The following DPYSL5 variants were observed in gnomAD, a reference collection of about 807,000 sequenced individuals.
The protein encoded by DPYSL5 is dihydropyrimidinase like 5, also known as dihydropyrimidinase-related protein 5.
DPYSL5 carries 9 observed loss-of-function variants against 58.4 expected under a neutral mutation model. The observed-to-expected ratio is 0.15, with a 90% CI of 0.09 to 0.27. The LOEUF (loss-of-function observed/expected upper bound fraction) is 0.27, where lower values mean the gene tolerates loss of function less well. Ranked by LOEUF, DPYSL5 falls within the 10% of genes least tolerant of loss-of-function variation. DPYSL5 has a pLI of 1.00. For synonymous variants in DPYSL5, 293 were observed against 301.9 expected, an observed-to-expected ratio of 0.97 and a Z score of 0.31; for missense variants, 499 against 770.6, an observed-to-expected ratio of 0.65 and a Z score of 4.17.
intron 2 of DPYSL5, among the ~76,000 whole-genome samples, chr2:26,906,236 T>G (rs1664285164): frequency 2.0e-5 from 3 of 150,518 alleles, no homozygotes; most frequent in African/African-American, 7.3e-5. Context: ...CAGGCTGGAC[T>G]GCAGTGGCAC....
At chr2:26,873,116 G>GT (rs1272820193) in intron 1 of DPYSL5, among the ~76,000 whole-genome samples, 3 of 151,854 alleles carry the variant, frequency 2.0e-5, no homozygotes, top group South Asian at 2.1e-4. Flanking sequence ...TATATTATAT[G>GT]TTTTTTTACT....
At chr2:26,868,196 GTTGT>G (rs1468910651) in intron 1 of DPYSL5, among the ~76,000 whole-genome samples, 1 of 152,100 alleles carries the variant, frequency 6.6e-6, no homozygotes, top group Non-Finnish European at 1.5e-5. Flanking sequence ...CTTTCTCTTG[GTTGT>G]TTGTCTTTTT....
At chr2:26,917,451 C>T (rs893002073) in intron 2 of DPYSL5, among the ~76,000 whole-genome samples, 1 of 151,558 alleles carries the variant, frequency 6.6e-6, no homozygotes, top group South Asian at 2.1e-4. Flanking sequence ...AGTGGGGCCT[C>T]GGAGAACAAA....
chr2:26,948,487 C>A lies in DPYSL5; in HGVS notation c.*1492C>A. The A allele has an allele frequency of 6.6e-6, 1 of 152,514 alleles. No individual in the cohort carries two copies. The allele number at this position is 152,514 out of a possible 1,614,324, so 9.4% of individuals were successfully genotyped here. A position where few individuals can be genotyped will look rare whatever the true frequency, so the allele number is the denominator to read the frequency against. ...CCTGCCCTTGTTAAGCCTGGTCTGCCCCGTGGGAAGTGACTTCATGTTGCA... is the reference window on the plus strand; with the variant it reads ...CCTGCCCTTGTTAAGCCTGGTCTGCACCGTGGGAAGTGACTTCATGTTGCA... On this transcript the variant is annotated 3_prime_UTR_variant, in exon 13 of 13. Coordinates refer to ENST00000288699, the MANE Select transcript of DPYSL5 (RefSeq NM_020134.4).
intron 6 of DPYSL5, among the ~76,000 whole-genome samples, chr2:26,931,962 C>T (rs1198640880): frequency 1.6e-5 from 2 of 123,134 alleles, no homozygotes; most frequent in Admixed American, 1.0e-4. Flanking sequence ...GAGCCAAGAT[C>T]GTGCCAACTG....
At chr2:26,909,677 G>A (rs1664382594) in intron 2 of DPYSL5, among the ~76,000 whole-genome samples, 1 of 152,022 alleles carries the variant, frequency 6.6e-6, no homozygotes, top group African/African-American at 2.4e-5. Flanking sequence ...TGAGGCAGGA[G>A]GAGTTTGAGC....
Position 26,928,202 on chromosome 2 carries a change from T to C in DPYSL5, c.601-53T>C. The C allele has an allele frequency of 1.9e-6, 3 of 1,586,182 alleles. No individual in the cohort carries two copies. In the South Asian group the frequency reaches 3.3e-5, roughly 18 times the overall value. ...ACTGTCCCTTGGGTTCAGTATTTTCTTACACGGTGTCTCTGTGATTCTCTC... is the reference window on the plus strand; with the variant it reads ...ACTGTCCCTTGGGTTCAGTATTTTCCTACACGGTGTCTCTGTGATTCTCTC... On this transcript the variant is annotated intron_variant, in intron 4 of 12. Transcript: ENST00000288699.
In DPYSL5 at chr2:26,875,751, C is replaced by T. The variant is rs576544686; in HGVS notation, c.-4-22745C>T. ...GGACTAGGAACCAAGGAGATCTGGCCAGCCTTTCAGGGAATAGATGGGGGA... is the reference window on the plus strand; with the variant it reads ...GGACTAGGAACCAAGGAGATCTGGCTAGCCTTTCAGGGAATAGATGGGGGA... On this transcript the variant is annotated intron_variant, in intron 1 of 12. Transcript: ENST00000288699. Among the ~76,000 whole-genome samples the T allele has an allele frequency of 8.9e-4, 135 of 152,230 alleles. 1 individual carries two copies. The highest frequency in any genetic ancestry group is 3.2e-3 in the African/African-American group (131 of 41,558).
At chr2:26,884,439 C>T (rs1236651996) in intron 1 of DPYSL5, among the ~76,000 whole-genome samples, 23 of 151,928 alleles carry the variant, frequency 1.5e-4, no homozygotes, top group African/African-American at 4.1e-4. Flanking sequence ...TCAGCTTGAA[C>T]GCCCAAGACT....
intron 1 of DPYSL5, among the ~76,000 whole-genome samples, chr2:26,873,428 A>G (rs1366550627): frequency 2.6e-5 from 4 of 152,132 alleles, no homozygotes; most frequent in Non-Finnish European, 5.9e-5. Flanking sequence ...CAGGCGACAT[A>G]TAGCAATGTC....
chr2:26,858,937 A>G (rs1665947095), intron 1 of DPYSL5, among the ~76,000 whole-genome samples: 1 of 152,110 alleles, frequency 6.6e-6, no homozygotes, highest in Admixed American at 6.5e-5. Context: ...TAAACCACCC[A>G]TAGACAATTT....
chr2:26,915,732 C>T (rs780924131), intron 2 of DPYSL5, among the ~76,000 whole-genome samples: 5 of 152,158 alleles, frequency 3.3e-5, no homozygotes, highest in Non-Finnish European at 7.4e-5. Flanking sequence ...CCCCCAAAAC[C>T]TTCCATCTGG....
intron 2 of DPYSL5, among the ~76,000 whole-genome samples, chr2:26,912,746 C>T (rs1664473632): frequency 1.3e-5 from 2 of 152,220 alleles, no homozygotes; most frequent in Admixed American, 1.3e-4. Context: ...GATAATCATT[C>T]TGGATTAGAG....
At chr2:26,884,000 C>T (rs1025707788) in intron 1 of DPYSL5, among the ~76,000 whole-genome samples, 4 of 152,168 alleles carry the variant, frequency 2.6e-5, no homozygotes, top group Non-Finnish European at 4.4e-5. Flanking sequence ...CAGCATTTGG[C>T]CCTTGTTCTA....
chr2:26,928,048 T>C (rs1030098399), intron 4 of DPYSL5, among the ~76,000 whole-genome samples: 1 of 152,256 alleles, frequency 6.6e-6, no homozygotes, highest in Non-Finnish European at 1.5e-5. Context: ...TCAGTCATTA[T>C]GAAGTGAGAA....
At chr2:26,911,428 C>A (rs1192847805) in intron 2 of DPYSL5, among the ~76,000 whole-genome samples, 2 of 152,128 alleles carry the variant, frequency 1.3e-5, no homozygotes, top group African/African-American at 4.8e-5. Context: ...CATTCTCAGT[C>A]CTTAACATGG....
In DPYSL5 at chr2:26,925,175, A is replaced by G. The variant is rs1664798867; in HGVS notation, c.420+130A>G. ...TACCATCCTAGCTCCCCACAATGCC[A>G]AAAGAAAACACACTTGGGATTCCAT... On this transcript the variant is annotated intron_variant, in intron 3 of 12. Coordinates refer to ENST00000288699, the MANE Select transcript of DPYSL5 (RefSeq NM_020134.4). The surrounding 1 kb of genome is among the most constrained non-coding windows in gnomAD (Gnocchi z 4.5). The G allele has an allele frequency of 3.3e-6, 4 of 1,194,248 alleles. No individual in the cohort carries two copies. Among genetic ancestry groups the G allele is most frequent in the African/African-American group, 1.5e-5 (1 of 65,492 alleles). 74.0% of individuals were successfully genotyped at this position (1,194,248 alleles called of 1,614,324 possible).
intron 5 of DPYSL5, among the ~76,000 whole-genome samples, chr2:26,931,167 ATATGTGTGTGTGTGTGTG>A (rs1664967912): frequency 3.7e-5 from 2 of 54,372 alleles, no homozygotes; most frequent in South Asian, 1.9e-3. Context: ...ATATATATAT[ATATGTGTGTGTGTGTGTG>A]TGTGTGTGTG....
chr2:26,919,115 C>A (rs74625417), intron 2 of DPYSL5, among the ~76,000 whole-genome samples: 1 of 152,112 alleles, frequency 6.6e-6, no homozygotes, highest in African/African-American at 2.4e-5. Flanking sequence ...TCTCCAATGC[C>A]GTGATGTCAG....
Sources: gnomAD v4.1 joint callset for allele counts (sites outside exome capture counted in the v4.1 genomes callset) on GRCh38, gnomAD v4.1.1 for gene constraint, Gnocchi (gnomAD v3.1) non-coding constraint, MANE v1.5 for transcripts, NCBI Gene and HGNC (gene_info 2026-07-23, HGNC 2026-07-21) for gene names.